Variants in FBXO31 observed in about 807,000 individuals in gnomAD.
FBXO31 encodes the protein F-box only protein 31.
FBXO31 carries 24 observed loss-of-function variants against 54.4 expected under a neutral mutation model. The ratio of observed to expected loss-of-function variants is 0.44; its 90% CI spans 0.32 to 0.62. The LOEUF (loss-of-function observed/expected upper bound fraction) is 0.62, where lower values mean the gene tolerates loss of function less well. Among genes scored for constraint, FBXO31 ranks in the 20% least tolerant of loss-of-function variants. FBXO31 has a pLI of 0.05. For missense variants in FBXO31, 665 were observed against 787.1 expected (o/e 0.84, Z 1.86); for synonymous variants, 388 against 335.6 (o/e 1.16, Z -1.71).
upstream of FBXO31, chr16:87,384,018 A>G (rs937417052): frequency 5.0e-5 from 10 of 199,834 alleles, no homozygotes; most frequent in African/African-American, 1.4e-4. Context: ...GCAAAACGTT[A>G]GACTGCCCCG....
chr16:87,354,278 G>A (rs1437089000), intron 2 of FBXO31, among the ~76,000 whole-genome samples: 1 of 152,098 alleles, frequency 6.6e-6, no homozygotes, highest in Non-Finnish European at 1.5e-5. Flanking sequence ...TTCCAGACTG[G>A]CCTGGGTAAC....
chr16:87,344,814 G>A (rs375385770), intron 3 of FBXO31, among the ~76,000 whole-genome samples: 1 of 152,186 alleles, frequency 6.6e-6, no homozygotes, highest in African/African-American at 2.4e-5. Context: ...AACGCAGAGC[G>A]GGTTTCTCCA....
At chr16:87,361,690 T>C (rs544801885) in intron 1 of FBXO31, among the ~76,000 whole-genome samples, 44 of 152,292 alleles carry the variant, frequency 2.9e-4, no homozygotes, top group African/African-American at 1.0e-3. Flanking sequence ...TCATCCCTTC[T>C]TTTCAATAGC....
At chr16:87,380,743 T>C (rs1907042073) in intron 1 of FBXO31, among the ~76,000 whole-genome samples, 1 of 152,220 alleles carries the variant, frequency 6.6e-6, no homozygotes, top group African/African-American at 2.4e-5. Context: ...GTGTCTGGTG[T>C]CCCAGGACAG....
Position 87,383,470 on chromosome 16 carries a change from T to A in FBXO31, c.275A>T (p.Gln92Leu). 6.3e-7 allele frequency: 1 copy of A among 1,591,502 alleles called. No individual in the cohort carries two copies. The highest frequency in any genetic ancestry group is 8.5e-7 in the Non-Finnish European group (1 of 1,172,148). Reference sequence around the variant, plus strand: ...GATGCGCCGGAACTTCGTGCAGACCTGGGCCAAGCTGGGTAGGTCCGTGCC... The same window carrying A: ...GATGCGCCGGAACTTCGTGCAGACCAGGGCCAAGCTGGGTAGGTCCGTGCC... ...LPGTDLPSLAQVCTKFRRILH... is the reference protein window; with the variant it reads ...LPGTDLPSLALVCTKFRRILH... Residue 92 changes from glutamine to leucine, a missense_variant, in exon 1 of 9, where the codon CAG (glutamine) becomes CTG (leucine). Gln to Leu is a moderately radical substitution (Grantham distance 113). Around this residue, in one of 4 missense-constraint regions of FBXO31, gnomAD observed 195 missense variants for 174.8 expected, o/e 1.12. Coordinates refer to ENST00000311635, the MANE Select transcript of FBXO31 (RefSeq NM_024735.5). This position sits in a 1 kb window ranked among gnomAD's most constrained non-coding sequence, Gnocchi z 4.9.
At chr16:87,331,644 A>G in intron 8 of FBXO31, 134 bp from the exon 9 acceptor site, 1 of 757,708 alleles carries the variant, frequency 1.3e-6, no homozygotes, top group Non-Finnish European at 2.1e-6. Context: ...GCTGACTCCC[A>G]GAGCCAGCCT....
intron 8 of FBXO31, 121 bp from the exon 9 acceptor site, chr16:87,331,631 G>C (rs772503125): frequency 2.9e-5 from 24 of 837,210 alleles, no homozygotes; most frequent in Non-Finnish European, 4.4e-5. Flanking sequence ...TCATCAGCCA[G>C]AAGCTGACTC....
At chr16:87,366,160 GAAGAA>G (rs1418591986) in intron 1 of FBXO31, among the ~76,000 whole-genome samples, 1 of 152,198 alleles carries the variant, frequency 6.6e-6, no homozygotes, top group Non-Finnish European at 1.5e-5. Context: ...GATTCTGGGA[GAAGAA>G]AAGGATGTGA....
Position 87,333,968 on chromosome 16 carries a change from G to A in FBXO31, c.1315C>T (p.Gln439Ter). Residue 439 changes from glutamine to a stop codon, truncating the protein, a stop_gained, in exon 8 of 9, where the codon CAG (glutamine) becomes TAG (stop). Coordinates refer to ENST00000311635, the MANE Select transcript of FBXO31 (RefSeq NM_024735.5). LOFTEE classifies it high-confidence loss of function. ...ACGAACGGCTGCCCCTGCCCACACT[G>A]GGCAGGCTGCTCGGCCGCAGCTACG... The part of the protein sequence containing the change: ...DAVAAAEQPA[Q>*]CGQGQPFVLP... 6.2e-7 allele frequency: 1 copy of A among 1,612,792 alleles called. No homozygotes were observed. Among genetic ancestry groups the A allele is most frequent in the East Asian group, 2.2e-5 (1 of 44,864 alleles).
At position 87,345,303 on chromosome 16, in the gene FBXO31, G is replaced by A. The variant is rs1418213333; in HGVS notation, c.490-1538C>T. ...CGGGGCTTTCCGGAAAGTTCAAGAG[G>A]CTCCAGCAGGAGGGTGCGGGGAGGG... On this transcript the variant is annotated intron_variant, in intron 3 of 8. Transcript: ENST00000311635. This position sits in a 1 kb window ranked among gnomAD's most constrained non-coding sequence, Gnocchi z 4.9. Among the ~76,000 whole-genome samples, 1 of 137,526 alleles carries A rather than the reference G, an allele frequency of 7.3e-6. No individual in the cohort carries two copies. Among genetic ancestry groups the A allele is most frequent in the African/African-American group, 2.6e-5 (1 of 37,908 alleles). The allele number at this position is 137,526 out of a possible 152,430, so 90.2% of individuals were successfully genotyped here. A position where few individuals can be genotyped will look rare whatever the true frequency, so the allele number is the denominator to read the frequency against.
chr16:87,360,930 C>G (rs1906105237), intron 1 of FBXO31, among the ~76,000 whole-genome samples: 1 of 152,184 alleles, frequency 6.6e-6, no homozygotes, highest in South Asian at 2.1e-4. Flanking sequence ...CTCCCGCAAC[C>G]CCTGTCCTCA....
At chr16:87,377,403 G>A (rs143225981) in intron 1 of FBXO31, among the ~76,000 whole-genome samples, 2 of 151,998 alleles carry the variant, frequency 1.3e-5, no homozygotes, top group Non-Finnish European at 2.9e-5. Context: ...CCATAATAGC[G>A]CCACTACACT....
Position 87,383,771 on chromosome 16 carries a change from G to C in FBXO31, c.-27C>G. 1 of 1,184,704 alleles carries C rather than the reference G, an allele frequency of 8.4e-7. No individual in the cohort carries two copies. Among genetic ancestry groups the C allele is most frequent in the Non-Finnish European group, 1.0e-6 (1 of 958,928 alleles). The allele number at this position is 1,184,704 out of a possible 1,614,324, so 73.4% of individuals were successfully genotyped here. A position where few individuals can be genotyped will look rare whatever the true frequency, so the allele number is the denominator to read the frequency against. On this transcript the variant is annotated 5_prime_UTR_variant, in exon 1 of 9. Transcript: ENST00000311635. This position sits in a 1 kb window ranked among gnomAD's most constrained non-coding sequence, Gnocchi z 4.9. ...CCGCCCAGTGACGGCCACTGCTGCC[G>C]CCTGTGCGCACGCTCCAGCGCGGCC...
chr16:87,342,995 A>G (rs1457304562), intron 4 of FBXO31, 44 bp from the exon 5 acceptor site: 3 of 1,531,084 alleles, frequency 2.0e-6, no homozygotes, highest in Admixed American at 3.8e-5. Flanking sequence ...TGAGGAACAG[A>G]GTCCATCACA....
Position 87,334,077 on chromosome 16 carries a change from T to C in FBXO31, c.1206A>G (p.Pro402=), listed in dbSNP as rs770230284. Residue 402 remains proline (P), a synonymous_variant, in exon 8 of 9, where the codon CCA becomes CCG. Coordinates refer to ENST00000311635, the MANE Select transcript of FBXO31 (RefSeq NM_024735.5). ...RGRQGPRESQ[P]SPAQPRAEAP... ...CCTCTGCCCTGGGCTGGGCAGGGCT[T>C]GGCTGGGACTCCCGGGGGCCCTGCC... The C allele has an allele frequency of 6.2e-7, 1 of 1,610,694 alleles. No homozygotes were observed. The highest frequency in any genetic ancestry group is 8.5e-7 in the Non-Finnish European group (1 of 1,178,594).
At chr16:87,341,429 G>A (rs1197195048) in intron 5 of FBXO31, among the ~76,000 whole-genome samples, 1 of 152,148 alleles carries the variant, frequency 6.6e-6, no homozygotes, top group Non-Finnish European at 1.5e-5. Flanking sequence ...GCCGAGATGG[G>A]TGGATCGCCT....
At chr16:87,348,013 C>A (rs1444583445) in intron 2 of FBXO31, among the ~76,000 whole-genome samples, 1 of 152,208 alleles carries the variant, frequency 6.6e-6, no homozygotes, top group Admixed American at 6.5e-5. Flanking sequence ...TCAGGCTGGG[C>A]CATCTCACTT....
intron 8 of FBXO31, 42 bp downstream of exon 8, chr16:87,333,844 T>C: frequency 6.5e-7 from 1 of 1,548,888 alleles, no homozygotes; most frequent in Non-Finnish European, 8.7e-7. Flanking sequence ...CTGAAGCCCA[T>C]GCTGTCCCAC....
Position 87,335,177 on chromosome 16 carries a change from G to C in FBXO31, c.996+127C>G. ...TCTGCTTTCCCAAGCTCCCGGGGCT[G>C]CAGGTGCAAGCCCACTCTGAGGAGC... On this transcript the variant is annotated intron_variant, in intron 7 of 8. Transcript: ENST00000311635. The surrounding 1 kb of genome is among the most constrained non-coding windows in gnomAD (Gnocchi z 5.7). The C allele has an allele frequency of 1.5e-6, 2 of 1,336,456 alleles. No homozygotes were observed. Among genetic ancestry groups the C allele is most frequent in the South Asian group, 2.5e-5 (2 of 81,170 alleles). 82.8% of individuals were successfully genotyped at this position (1,336,456 alleles called of 1,614,324 possible).
Sources: allele counts gnomAD v4.1 joint callset (sites outside exome capture counted in the v4.1 genomes callset), GRCh38; gene constraint gnomAD v4.1.1; regional missense constraint gnomAD v4.1.1; non-coding constraint Gnocchi (gnomAD v3.1); transcripts MANE v1.5; gene names NCBI Gene and HGNC (gene_info 2026-07-23, HGNC 2026-07-21).